The following NR3C2 variants were observed in gnomAD, a reference collection of about 807,000 sequenced individuals.
NR3C2 encodes the protein mineralocorticoid receptor.
In NR3C2, 15 loss-of-function variants were observed where a neutral mutation model predicts 86.4. The ratio of observed to expected loss-of-function variants is 0.17; its 90% CI spans 0.12 to 0.27. NR3C2 has a LOEUF of 0.27. NR3C2 is among the 10% of genes least tolerant of loss of function. NR3C2 has a pLI of 1.00. For synonymous variants in NR3C2, 458 were observed against 450.5 expected (o/e 1.02, Z -0.21); for missense variants, 960 against 1,195.6 (o/e 0.80, Z 2.91).
At chr4:148,230,103 C>A (rs897838437) in intron 3 of NR3C2, among the ~76,000 whole-genome samples, 14 of 152,154 alleles carry the variant, frequency 9.2e-5, no homozygotes, top group African/African-American at 3.4e-4. Context: ...AACTGAGAAG[C>A]CACATAAGCT....
chr4:148,389,527 C>T (rs1173914920), intron 2 of NR3C2, among the ~76,000 whole-genome samples: 1 of 152,052 alleles, frequency 6.6e-6, no homozygotes, highest in African/African-American at 2.4e-5. Flanking sequence ...GTCCTTTGCT[C>T]GTTTCTTTCC....
chr4:148,313,042 T>C (rs967335296), intron 2 of NR3C2, among the ~76,000 whole-genome samples: 4 of 152,158 alleles, frequency 2.6e-5, no homozygotes, highest in Non-Finnish European at 5.9e-5. Context: ...AACAGTCCTT[T>C]TAATTACTTG....
At chr4:148,423,141 T>A (rs572657281) in intron 2 of NR3C2, among the ~76,000 whole-genome samples, 39 of 152,210 alleles carry the variant, frequency 2.6e-4, no homozygotes, top group African/African-American at 9.1e-4. Flanking sequence ...TATGACAGCC[T>A]CTACACTGTG....
intron 2 of NR3C2, among the ~76,000 whole-genome samples, chr4:148,350,002 T>C (rs775383490): frequency 4.6e-5 from 7 of 152,134 alleles, no homozygotes; most frequent in Non-Finnish European, 8.8e-5. Flanking sequence ...CCAAATACAA[T>C]ATAGTTTTCT....
chr4:148,405,419 C>A lies in NR3C2; in HGVS notation c.1757+29685G>T, dbSNP rs114743185. ...AGGCATACCTGTCCACCACCAGGAC[C>A]ACATCACCTCTTGTTATATCCACAC... On this transcript the variant is annotated intron_variant, in intron 2 of 8. Transcript: ENST00000358102. Among the ~76,000 whole-genome samples the A allele has an allele frequency of 2.5e-3, 377 of 152,294 alleles. 1 individual carries two copies. The highest frequency in any genetic ancestry group is 8.7e-3 in the African/African-American group (360 of 41,558).
chr4:148,321,952 T>G (rs1348472464), intron 2 of NR3C2, among the ~76,000 whole-genome samples: 1 of 152,240 alleles, frequency 6.6e-6, no homozygotes, highest in East Asian at 1.9e-4. Context: ...GCTCATTATT[T>G]GATGCAGTTT....
intron 2 of NR3C2, among the ~76,000 whole-genome samples, chr4:148,365,639 T>G (rs1746076442): frequency 6.6e-6 from 1 of 152,198 alleles, no homozygotes; most frequent in Non-Finnish European, 1.5e-5. Flanking sequence ...AAGATCCAGC[T>G]GTAATTAATA....
chr4:148,359,465 C>A (rs571364804), intron 2 of NR3C2, among the ~76,000 whole-genome samples: 2 of 152,100 alleles, frequency 1.3e-5, no homozygotes, highest in Admixed American at 6.5e-5. Context: ...ATTCTAGTGA[C>A]CTTTGGTTTT....
chr4:148,329,190 G>A (rs1354699002), intron 2 of NR3C2, among the ~76,000 whole-genome samples: 1 of 152,044 alleles, frequency 6.6e-6, no homozygotes, highest in East Asian at 1.9e-4. Context: ...CAACCCCCAA[G>A]GGCACAAGGT....
At chr4:148,292,821 T>C (rs1042881907) in intron 2 of NR3C2, among the ~76,000 whole-genome samples, 2 of 152,166 alleles carry the variant, frequency 1.3e-5, no homozygotes, top group African/African-American at 2.4e-5. Flanking sequence ...ATCATTCTGA[T>C]ATGAGAGGTT....
chr4:148,366,784 C>A (rs565134272), intron 2 of NR3C2, among the ~76,000 whole-genome samples: 1 of 152,054 alleles, frequency 6.6e-6, no homozygotes, highest in South Asian at 2.1e-4. Context: ...CCCAAAAAAA[C>A]CCAGGCAAGA....
chr4:148,313,843 TAAA>T (rs1282352129), intron 2 of NR3C2, among the ~76,000 whole-genome samples: 2 of 152,338 alleles, frequency 1.3e-5, no homozygotes, highest in Non-Finnish European at 2.9e-5. Context: ...AACAGTATTA[TAAA>T]ACTAAGATCC....
intron 2 of NR3C2, among the ~76,000 whole-genome samples, chr4:148,353,313 T>C (rs991581511): frequency 6.6e-6 from 1 of 152,120 alleles, no homozygotes; most frequent in Non-Finnish European, 1.5e-5. Context: ...TACAAATTCA[T>C]TTTAATTTTT....
At chr4:148,357,009 G>A (rs980437111) in intron 2 of NR3C2, among the ~76,000 whole-genome samples, 4 of 151,944 alleles carry the variant, frequency 2.6e-5, no homozygotes, top group Non-Finnish European at 5.9e-5. Flanking sequence ...CTGCTATTAT[G>A]GGGGAGGGAT....
At chr4:148,152,843 C>T (rs1459663430) in intron 5 of NR3C2, among the ~76,000 whole-genome samples, 2 of 152,272 alleles carry the variant, frequency 1.3e-5, no homozygotes, top group East Asian at 3.9e-4. Context: ...ACTGCCAGGG[C>T]AAACTAAAAT....
chr4:148,134,108 G>C (rs542346565), intron 6 of NR3C2, among the ~76,000 whole-genome samples: 1 of 152,188 alleles, frequency 6.6e-6, no homozygotes, highest in Admixed American at 6.5e-5. Context: ...TCATCTGCCT[G>C]AATAGAAAAG....
chr4:148,312,223 TA>T (rs1742937239), intron 2 of NR3C2, among the ~76,000 whole-genome samples: 1 of 152,206 alleles, frequency 6.6e-6, no homozygotes, highest in Admixed American at 6.5e-5. Flanking sequence ...GACAATTATA[TA>T]AAAGACAAAG....
At chr4:148,397,884 C>T (rs191991243) in intron 2 of NR3C2, among the ~76,000 whole-genome samples, 10 of 152,278 alleles carry the variant, frequency 6.6e-5, no homozygotes, top group African/African-American at 2.4e-4. Flanking sequence ...CTTAAGACAA[C>T]AGAAATTTAT....
At position 148,079,710 on chromosome 4, in the gene NR3C2, G is replaced by C. The variant is rs1730452412; in HGVS notation, c.*1634C>G. On this transcript the variant is annotated 3_prime_UTR_variant, in exon 9 of 9. Transcript: ENST00000358102. The stretch of plus-strand genomic sequence containing the variant: ...ATGAATTAAACATTTTAGTGCCACT[G>C]TCTTGCTTATATGATCTGTAATTTT... 6.6e-6 allele frequency: 1 copy of C among 152,606 alleles called. No homozygotes were observed. The highest frequency in any genetic ancestry group is 2.4e-5 in the African/African-American group (1 of 41,450). The allele number at this position is 152,606 out of a possible 1,614,324, so 9.5% of individuals were successfully genotyped here.
Sources: allele counts gnomAD v4.1 joint callset (sites outside exome capture counted in the v4.1 genomes callset), GRCh38; gene constraint gnomAD v4.1.1; transcripts MANE v1.5; gene names NCBI Gene and HGNC (gene_info 2026-07-23, HGNC 2026-07-21).